Variants in TP53I11 observed in about 807,000 individuals in gnomAD.
TP53I11 encodes tumor protein p53 inducible protein 11, also known as tumor protein p53-inducible protein 11.
Under a neutral mutation model 23.3 loss-of-function variants are expected in TP53I11, and 9 were observed. That is an observed-to-expected ratio of 0.39 (90% confidence interval 0.23 to 0.67). The LOEUF is 0.67. Among genes scored for constraint, TP53I11 ranks in the 30% least tolerant of loss-of-function variants. The pLI, the probability that TP53I11 is intolerant of heterozygous loss-of-function variation, is 0.48. For missense variants in TP53I11, 170 were observed against 255.2 expected (o/e 0.67, Z 2.27); for synonymous variants, 100 against 106.1 (o/e 0.94, Z 0.35).
At chr11:44,935,073 G>A (rs937539142) in intron 6 of TP53I11, 56 bp from the exon 7 acceptor site, 16 of 1,605,676 alleles carry the variant, frequency 1.0e-5, no homozygotes, top group African/African-American at 8.0e-5. Context: ...GTGTCCCAGC[G>A]CTGCCCCCCT....
intron 1 of TP53I11, chr11:44,947,342 A>C (rs1204284282): frequency 8.5e-6 from 3 of 352,858 alleles, no homozygotes; most frequent in Non-Finnish European, 1.7e-5. Flanking sequence ...CCTGACTTCC[A>C]GATCCTATCG....
intron 1 of TP53I11, chr11:44,950,260 C>T (rs1345527528): frequency 1.3e-5 from 2 of 152,154 alleles, no homozygotes; most frequent in Admixed American, 6.5e-5. Context: ...GAGTCAGACC[C>T]CGGGGAGACA....
intron 1 of TP53I11, chr11:44,947,077 G>A: frequency 4.4e-6 from 2 of 456,370 alleles, no homozygotes; most frequent in Non-Finnish European, 8.8e-6. Flanking sequence ...AGAGCAGGTG[G>A]CAAGAAGGAG....
chr11:44,950,387 GA>G (rs1441202142), intron 1 of TP53I11, among the ~76,000 whole-genome samples: 1 of 152,210 alleles, frequency 6.6e-6, no homozygotes, highest in Non-Finnish European at 1.5e-5. Context: ...AGCCGGGGGA[GA>G]GGGGAAACCG....
chr11:44,934,643 GT>G lies in TP53I11; in HGVS notation c.*240del. The G allele has an allele frequency of 1.8e-6, 1 of 540,564 alleles. No homozygotes were observed. The highest frequency in any genetic ancestry group is 3.3e-6 in the Non-Finnish European group (1 of 303,836). The allele number at this position is 540,564 out of a possible 1,614,324, so 33.5% of individuals were successfully genotyped here. On this transcript the variant is annotated 3_prime_UTR_variant, in exon 7 of 7. Coordinates refer to ENST00000525680, the MANE Select transcript of TP53I11 (RefSeq NM_006034.5). ...AAGGAAAGGAGGTATCACTGTGAGG[GT>G]GAAGAACAGGGCAGCAGAGGCCCTG...
chr11:44,935,083 T>G, intron 6 of TP53I11, 66 bp from the exon 7 acceptor site: 8 of 1,598,298 alleles, frequency 5.0e-6, no homozygotes, highest in Non-Finnish European at 6.0e-6. Context: ...GCTGCCCCCC[T>G]AGCCCGGAGC....
chr11:44,937,452 C>T, intron 3 of TP53I11, 100 bp from the exon 4 acceptor site: 4 of 1,520,704 alleles, frequency 2.6e-6, no homozygotes, highest in Non-Finnish European at 2.7e-6. Flanking sequence ...GGTAATGAGA[C>T]AAAATAAAAT....
chr11:44,934,787 G>GCAGGACTGGGGCAGGA lies in TP53I11; in HGVS notation c.*96_*97insTCCTGCCCCAGTCCTG. 1 of 1,540,626 alleles carries GCAGGACTGGGGCAGGA rather than the reference G, an allele frequency of 6.5e-7. No individual in the cohort carries two copies. The highest frequency in any genetic ancestry group is 8.8e-7 in the Non-Finnish European group (1 of 1,136,308). ...CTCCCTGGGGCAGGACTGGGGCAGG[G>GCAGGACTGGGGCAGGA]CAGGGGACCCTCCTGCCTTCCAGGA... On this transcript the variant is annotated 3_prime_UTR_variant, in exon 7 of 7. Coordinates refer to ENST00000525680, the MANE Select transcript of TP53I11 (RefSeq NM_006034.5).
chr11:44,944,499 C>T (rs543460516), intron 1 of TP53I11, among the ~76,000 whole-genome samples: 70 of 152,196 alleles, frequency 4.6e-4, no homozygotes, highest in African/African-American at 1.5e-3. Flanking sequence ...TTCCCAGGGG[C>T]GAGGCGGGAA....
chr11:44,942,630 G>A (rs1862004482), intron 1 of TP53I11, among the ~76,000 whole-genome samples: 1 of 152,140 alleles, frequency 6.6e-6, no homozygotes, highest in Admixed American at 6.5e-5. Context: ...TCATCCACGG[G>A]CACTGCCATC....
rs1328736990 is a variant in TP53I11, at chr11:44,933,528, A to G, written c.*1356T>C. On this transcript the variant is annotated 3_prime_UTR_variant, in exon 7 of 7. Transcript: ENST00000525680. ...GGGATCAGGGACTAACGGGGTGTAC[A>G]GCACAGGCTGGTGGGCCCTCAGGGA... 1 of 154,690 alleles carries G rather than the reference A, an allele frequency of 6.5e-6. No homozygotes were observed. Among genetic ancestry groups the G allele is most frequent in the Admixed American group, 6.5e-5 (1 of 15,292 alleles). The allele number at this position is 154,690 out of a possible 1,614,324, so 9.6% of individuals were successfully genotyped here.
intron 1 of TP53I11, among the ~76,000 whole-genome samples, chr11:44,946,182 G>A (rs1287609553): frequency 6.6e-6 from 1 of 152,216 alleles, no homozygotes; most frequent in African/African-American, 2.4e-5. Flanking sequence ...CACAAAAGAG[G>A]CTTTATGAAA....
intron 1 of TP53I11, chr11:44,943,262 T>G (rs1442871920): frequency 6.6e-6 from 1 of 152,218 alleles, no homozygotes; most frequent in Non-Finnish European, 1.5e-5. Flanking sequence ...CTTTCTCCAC[T>G]CAGCCGTGCA....
intron 1 of TP53I11, among the ~76,000 whole-genome samples, chr11:44,947,662 G>A (rs1862522216): frequency 6.6e-6 from 1 of 152,154 alleles, no homozygotes; most frequent in Non-Finnish European, 1.5e-5. Context: ...CCCCAATCCT[G>A]GGGTGCTGGC....
At chr11:44,939,916 C>T (rs945364448) in intron 1 of TP53I11, among the ~76,000 whole-genome samples, 10 of 152,224 alleles carry the variant, frequency 6.6e-5, no homozygotes, top group South Asian at 2.1e-4. Context: ...GTAACTGTGA[C>T]GGCAGTCCCA....
In TP53I11 at chr11:44,936,296, T is replaced by G; in HGVS notation, c.334+507A>C. 1 of 1,142,624 alleles carries G rather than the reference T, an allele frequency of 8.8e-7. No individual in the cohort carries two copies. Among genetic ancestry groups the G allele is most frequent in the East Asian group, 4.4e-5 (1 of 22,864 alleles). 70.8% of individuals were successfully genotyped at this position (1,142,624 alleles called of 1,614,324 possible). A position where few individuals can be genotyped will look rare whatever the true frequency, so the allele number is the denominator to read the frequency against. ...TTATTCTGTAGGCAATAGGGAGCCA[T>G]AGAATATTTCGTAGAAATAGAGGCA... On this transcript the variant is annotated intron_variant, in intron 5 of 6. Coordinates refer to ENST00000525680, the MANE Select transcript of TP53I11 (RefSeq NM_006034.5). This position sits in a 1 kb window ranked among gnomAD's most constrained non-coding sequence, Gnocchi z 4.4.
At position 44,933,288 on chromosome 11, in the gene TP53I11, AGGGTGGACAG is replaced by A. The variant is rs1202454088; in HGVS notation, c.*1586_*1595del. On this transcript the variant is annotated 3_prime_UTR_variant, in exon 7 of 7. Transcript: ENST00000525680. ...TCTGGGTGCAGGGACAGCCAGGCAC[AGGGTGGACAG>A]GGGTGAGGACCCCTGGCAGGGGCCC... The A allele has an allele frequency of 6.6e-6, 1 of 152,438 alleles. No individual in the cohort carries two copies. The highest frequency in any genetic ancestry group is 2.4e-5 in the African/African-American group (1 of 41,450). 9.4% of individuals were successfully genotyped at this position (152,438 alleles called of 1,614,324 possible).
Position 44,948,980 on chromosome 11 carries a change from C to G in TP53I11, c.-32+1697G>C, listed in dbSNP as rs575574670. Among the ~76,000 whole-genome samples the G allele has an allele frequency of 4.9e-4, 75 of 152,308 alleles. 2 individuals are homozygous for G. In the South Asian group the frequency reaches 0.015, roughly 31 times the overall value. On this transcript the variant is annotated intron_variant, in intron 1 of 6. Transcript: ENST00000525680. ...AGCTGGACATGGGTGAAGGGGCTTT[C>G]GGCCTTAGCCCTCCACTCCAAATTT...
intron 6 of TP53I11, among the ~76,000 whole-genome samples, chr11:44,935,295 T>TGG (rs143756531): frequency 5.9e-5 from 9 of 151,926 alleles, no homozygotes; most frequent in Non-Finnish European, 1.2e-4. Context: ...GCAGTGGGTG[T>TGG]GGGGGGGCCG....
Sources: gnomAD v4.1 joint callset for allele counts (sites outside exome capture counted in the v4.1 genomes callset) on GRCh38, gnomAD v4.1.1 for gene constraint, Gnocchi (gnomAD v3.1) non-coding constraint, MANE v1.5 for transcripts, NCBI Gene and HGNC (gene_info 2026-07-23, HGNC 2026-07-21) for gene names.